TGM5: variants seen among roughly 807,000 people sequenced by gnomAD.
The protein encoded by TGM5 is protein-glutamine gamma-glutamyltransferase 5.
Under a neutral mutation model 77.2 loss-of-function variants are expected in TGM5, and 69 were observed. The ratio of observed to expected loss-of-function variants is 0.89; its 90% confidence interval spans 0.74 to 1.09. The LOEUF (loss-of-function observed/expected upper bound fraction) is 1.09. TGM5 is among the 50% of genes least tolerant of loss of function. TGM5 has a pLI of 0.00. For missense variants in TGM5, 842 were observed against 896.5 expected, an observed-to-expected ratio of 0.94 and a Z score of 0.78; for synonymous variants, 346 against 351.8, an observed-to-expected ratio of 0.98 and a Z score of 0.18.
chr15:43,235,862 C>T, intron 9 of TGM5, 25 bp from the exon 10 acceptor site: 2 of 1,612,436 alleles, frequency 1.2e-6, no homozygotes, highest in Non-Finnish European at 1.7e-6. Flanking sequence ...AGCACAGCAC[C>T]AGCTGTGAGC....
chr15:43,256,319 C>T (rs1168336934), intron 4 of TGM5, among the ~76,000 whole-genome samples: 1 of 152,166 alleles, frequency 6.6e-6, no homozygotes, highest in African/African-American at 2.4e-5. Context: ...CACTGGAATT[C>T]CTGGGTGAGG....
At chr15:43,264,893 CAT>C (rs1265987506) in intron 1 of TGM5, among the ~76,000 whole-genome samples, 2 of 152,170 alleles carry the variant, frequency 1.3e-5, no homozygotes, top group Non-Finnish European at 2.9e-5. Context: ...CTTTAACACA[CAT>C]CTGTTTCATA....
At position 43,256,726 on chromosome 15, in the gene TGM5, C is replaced by G. The variant is rs188181815; in HGVS notation, c.437-40G>C. On this transcript the variant is annotated intron_variant, in intron 3 of 12. Coordinates refer to ENST00000220420, the MANE Select transcript of TGM5 (RefSeq NM_201631.4). ...GGGAGGGCACGAAGCAGAAAAGTCACCTTTCCCTTACTGCCCCATTCTCAT... is the reference window on the plus strand; with the variant it reads ...GGGAGGGCACGAAGCAGAAAAGTCAGCTTTCCCTTACTGCCCCATTCTCAT... 86 of 1,434,742 alleles carry G rather than the reference C, an allele frequency of 6.0e-5. No individual in the cohort carries two copies. In the Admixed American group the frequency reaches 1.4e-3, roughly 23 times the overall value. The allele number at this position is 1,434,742 out of a possible 1,614,324, so 88.9% of individuals were successfully genotyped here. A position where few individuals can be genotyped will look rare whatever the true frequency, so the allele number is the denominator to read the frequency against.
At chr15:43,243,307 C>T (rs1180074681) in intron 6 of TGM5, among the ~76,000 whole-genome samples, 1 of 152,216 alleles carries the variant, frequency 6.6e-6, no homozygotes, top group African/African-American at 2.4e-5. Context: ...TCTTGTGAAT[C>T]TTTTGCCTGT....
intron 6 of TGM5, among the ~76,000 whole-genome samples, chr15:43,251,405 C>T (rs963585340): frequency 1.3e-5 from 2 of 152,146 alleles, no homozygotes; most frequent in African/African-American, 4.8e-5. Context: ...ATTCTTCCAA[C>T]AGCCCAGAGA....
At chr15:43,259,416 C>T (rs1176676242) in intron 3 of TGM5, among the ~76,000 whole-genome samples, 6 of 149,716 alleles carry the variant, frequency 4.0e-5, no homozygotes, top group Admixed American at 2.7e-4. Flanking sequence ...AAGAATGCTC[C>T]GATAGGAAAA....
intron 3 of TGM5, 53 bp from the exon 4 acceptor site, chr15:43,256,739 GCC>G: frequency 7.8e-7 from 1 of 1,287,876 alleles, no homozygotes; most frequent in Non-Finnish European, 1.1e-6. Context: ...TTCCCTTACT[GCC>G]CCATTCTCAT....
chr15:43,234,376 A>G (rs2042571322), intron 11 of TGM5, among the ~76,000 whole-genome samples: 1 of 152,212 alleles, frequency 6.6e-6, no homozygotes, highest in Non-Finnish European at 1.5e-5. Context: ...ACAGAGGCCC[A>G]AGGCCCTGTC....
Position 43,235,514 on chromosome 15 carries a change from G to T in TGM5, c.1669C>A (p.Pro557Thr). The change falls in exon 10 of 13, where the codon CCA (proline) becomes ACA (threonine). Residue 557 changes from proline to threonine, a missense_variant. Pro to Thr is a conservative substitution (Grantham distance 38, BLOSUM62 -1). This residue lies in a region of TGM5 where 815 missense variants were observed against 844.6 expected (regional missense o/e 0.96). Transcript: ENST00000220420. Reference protein sequence around the residue: ...SLLHDGSPLSPFWQDTAFITL... With the variant: ...SLLHDGSPLSTFWQDTAFITL... ...ATGAACGCTGTGTCCTGCCAGAATG[G>T]GGACAGGGGGCTGCCATCGTGCAGC... The T allele has an allele frequency of 6.2e-7, 1 of 1,614,212 alleles. No homozygotes were observed. Among genetic ancestry groups the T allele is most frequent in the Non-Finnish European group, 8.5e-7 (1 of 1,180,044 alleles).
At chr15:43,252,625 C>T in intron 6 of TGM5, 134 bp downstream of exon 6, 1 of 1,194,424 alleles carries the variant, frequency 8.4e-7, no homozygotes, top group Non-Finnish European at 1.2e-6. Context: ...CGAGACATTT[C>T]AGAGAGGAAA....
chr15:43,246,232 A>G (rs1378035757), intron 6 of TGM5, among the ~76,000 whole-genome samples: 1 of 152,192 alleles, frequency 6.6e-6, no homozygotes, highest in Non-Finnish European at 1.5e-5. Context: ...TATTGAATTA[A>G]AGGATCTCTT....
intron 10 of TGM5, among the ~76,000 whole-genome samples, 169 bp downstream of exon 10, chr15:43,235,292 GGGAAGGAA>G (rs761856371): frequency 6.7e-6 from 1 of 150,194 alleles, no homozygotes; most frequent in African/African-American, 2.5e-5. Flanking sequence ...GAGGGAGGGA[GGGAAGGAA>G]GGAAGGAAGG....
At chr15:43,241,267 G>A (rs563530913) in intron 6 of TGM5, 1 of 496,064 alleles carries the variant, frequency 2.0e-6, no homozygotes, top group South Asian at 2.1e-5. Context: ...GCTTACGCCA[G>A]GAGGGTGGGA....
At chr15:43,260,656 A>C (rs1406073720) in intron 1 of TGM5, 77 bp from the exon 2 acceptor site, 3 of 1,515,502 alleles carry the variant, frequency 2.0e-6, no homozygotes, top group Non-Finnish European at 2.7e-6. Flanking sequence ...CTAGTTCTGC[A>C]AACTTGAGAA....
chr15:43,265,342 T>A (rs1370651086), intron 1 of TGM5, among the ~76,000 whole-genome samples: 2 of 152,218 alleles, frequency 1.3e-5, no homozygotes, highest in African/African-American at 4.8e-5. Flanking sequence ...CACTTGGCTT[T>A]TACCTAACAG....
rs746001873 is a variant in TGM5, at chr15:43,234,888, G to A, written c.1756C>T (p.Gln586Ter). The A allele has an allele frequency of 1.2e-6, 2 of 1,614,192 alleles. No individual in the cohort carries two copies. The highest frequency in any genetic ancestry group is 2.2e-5 in the South Asian group (2 of 91,084). Residue 586 changes from glutamine (Q) to a stop codon, truncating the protein, a stop_gained, in exon 11 of 13, where the codon CAG (glutamine) becomes TAG (stop). Coordinates refer to ENST00000220420, the MANE Select transcript of TGM5 (RefSeq NM_201631.4). LOFTEE classifies it high-confidence loss of function. ...PCKISYSQYS[Q>*]YLSTDKLIRI... ...ATCAGCTTGTCTGTTGACAGGTACT[G>A]GCTGTACTGGGAATAGGAGATTTTG...
In TGM5 at chr15:43,260,316, T is replaced by G; in HGVS notation, c.191-19A>C. On this transcript the variant is annotated intron_variant, in intron 2 of 12. Transcript: ENST00000220420. The stretch of plus-strand genomic sequence containing the variant: ...AGCGGTCCTAGGAGGGAAGTAGAGC[T>G]GAGGCCCTCCATGGCGACCTCCAAA... 6.2e-7 allele frequency: 1 copy of G among 1,614,108 alleles called. No homozygotes were observed. Among genetic ancestry groups the G allele is most frequent in the Non-Finnish European group, 8.5e-7 (1 of 1,179,992 alleles).
intron 3 of TGM5, 39 bp from the exon 4 acceptor site, chr15:43,256,725 AC>A: frequency 6.9e-7 from 1 of 1,442,000 alleles, no homozygotes; most frequent in Non-Finnish European, 9.8e-7. Flanking sequence ...CAGAAAAGTC[AC>A]CTTTCCCTTA....
intron 6 of TGM5, among the ~76,000 whole-genome samples, chr15:43,244,906 A>G (rs1309422655): frequency 1.3e-5 from 2 of 151,990 alleles, no homozygotes; most frequent in African/African-American, 4.8e-5. Context: ...CACCTCTACA[A>G]AAAAATAAAA....
Sources: gnomAD v4.1 joint callset for allele counts (sites outside exome capture counted in the v4.1 genomes callset) on GRCh38, gnomAD v4.1.1 for gene constraint, gnomAD v4.1.1 regional missense constraint, MANE v1.5 for transcripts, NCBI Gene and HGNC (gene_info 2026-07-23, HGNC 2026-07-21) for gene names.